Variants in ERC2 observed in about 807,000 individuals in gnomAD.
ERC2 encodes the protein ERC protein 2.
Under a neutral mutation model 114.8 loss-of-function variants are expected in ERC2, and 42 were observed. The observed-to-expected ratio is 0.37, with a 90% CI of 0.29 to 0.47. The LOEUF is 0.47. ERC2 is among the 20% of genes least tolerant of loss of function. ERC2 has a pLI of 0.99. For synonymous variants in ERC2, 454 were observed against 425.5 expected, an observed-to-expected ratio of 1.07 and a Z score of -0.82; for missense variants, 939 against 1,150.7, an observed-to-expected ratio of 0.82 and a Z score of 2.66.
chr3:55,707,223 C>T (rs1027536586), intron 15 of ERC2, among the ~76,000 whole-genome samples: 2 of 152,018 alleles, frequency 1.3e-5, no homozygotes, highest in Admixed American at 6.6e-5. Context: ...GGCTTGAGCT[C>T]GGGAGTTAGA....
intron 6 of ERC2, among the ~76,000 whole-genome samples, chr3:56,116,314 T>C (rs758884049): frequency 6.6e-6 from 1 of 152,224 alleles, no homozygotes; most frequent in Admixed American, 6.5e-5. Flanking sequence ...CAAGGGTTTG[T>C]TGGCTGCCAT....
chr3:55,528,243 G>A (rs1428660092), intron 17 of ERC2, among the ~76,000 whole-genome samples: 4 of 152,236 alleles, frequency 2.6e-5, no homozygotes, highest in Admixed American at 1.3e-4. Context: ...GCCTGCCAGA[G>A]GGAGCGGAAA....
intron 14 of ERC2, among the ~76,000 whole-genome samples, chr3:55,775,457 G>A (rs2068520498): frequency 6.6e-6 from 1 of 151,680 alleles, no homozygotes; most frequent in African/African-American, 2.4e-5. Flanking sequence ...CTTGAGCCCA[G>A]GAGAATGAGG....
intron 1 of ERC2, among the ~76,000 whole-genome samples, chr3:56,459,869 T>C (rs1330276356): frequency 6.6e-6 from 1 of 152,234 alleles, no homozygotes; most frequent in Non-Finnish European, 1.5e-5. Flanking sequence ...CAACTAGAGA[T>C]TCCTGGGCTC....
chr3:56,425,667 G>A (rs1188051548), intron 2 of ERC2, among the ~76,000 whole-genome samples: 1 of 146,858 alleles, frequency 6.8e-6, no homozygotes, highest in African/African-American at 2.5e-5. Context: ...TCATTTGAAT[G>A]TGTAAGGTCC....
chr3:56,159,738 A>G (rs1336232844), intron 4 of ERC2, among the ~76,000 whole-genome samples: 1 of 152,182 alleles, frequency 6.6e-6, no homozygotes, highest in Non-Finnish European at 1.5e-5. Flanking sequence ...ACTCCCACTT[A>G]TAAGTGAGAA....
At chr3:55,537,908 T>C (rs1186386689) in intron 17 of ERC2, among the ~76,000 whole-genome samples, 2 of 152,184 alleles carry the variant, frequency 1.3e-5, no homozygotes, top group African/African-American at 4.8e-5. Context: ...CCTATTACTC[T>C]ATTAGAACAC....
At chr3:55,580,288 G>C (rs1273460670) in intron 17 of ERC2, among the ~76,000 whole-genome samples, 2 of 151,862 alleles carry the variant, frequency 1.3e-5, no homozygotes, top group Admixed American at 6.6e-5. Context: ...ATTTGGGGAG[G>C]GGGTAGTGCT....
chr3:55,783,245 C>T (rs569342195), intron 14 of ERC2, among the ~76,000 whole-genome samples: 32 of 152,336 alleles, frequency 2.1e-4, no homozygotes, highest in African/African-American at 7.7e-4. Flanking sequence ...GCTCGGCAGG[C>T]TGACTGCCTG....
At position 55,821,234 on chromosome 3, in the gene ERC2, G is replaced by A. The variant is rs749237689; in HGVS notation, c.2564+67155C>T. ...TGATTGCTTGCTTTAACAAGAATAG[G>A]TGTGCAATAGGACTGCCAAAAGTTA... On this transcript the variant is annotated intron_variant, in intron 14 of 17. Coordinates refer to ENST00000288221, the MANE Select transcript of ERC2 (RefSeq NM_015576.3). Among the ~76,000 whole-genome samples the A allele has an allele frequency of 5.7e-4, 86 of 152,128 alleles. 1 individual carries two copies. Among genetic ancestry groups the A allele is most frequent in the Non-Finnish European group, 1.1e-3 (78 of 68,034 alleles).
At chr3:55,653,498 A>T (rs1444149719) in intron 17 of ERC2, among the ~76,000 whole-genome samples, 1 of 152,180 alleles carries the variant, frequency 6.6e-6, no homozygotes, top group Non-Finnish European at 1.5e-5. Context: ...AGAAGTCCAC[A>T]ATACACAAAG....
intron 17 of ERC2, among the ~76,000 whole-genome samples, chr3:55,640,761 C>A (rs2060143792): frequency 2.0e-5 from 3 of 152,200 alleles, no homozygotes; most frequent in South Asian, 4.1e-4. Flanking sequence ...CCCTTCAACT[C>A]CACAACAGTC....
At chr3:55,589,111 G>A (rs904769366) in intron 17 of ERC2, among the ~76,000 whole-genome samples, 1 of 151,340 alleles carries the variant, frequency 6.6e-6, no homozygotes, top group Non-Finnish European at 1.5e-5. Context: ...GGATGCAGTG[G>A]CTCACACCTG....
intron 2 of ERC2, among the ~76,000 whole-genome samples, chr3:56,359,949 C>T (rs980658999): frequency 2.4e-4 from 36 of 152,126 alleles, no homozygotes; most frequent in Non-Finnish European, 4.0e-4. Context: ...CCCTTAGGCC[C>T]CACCTTCAAA....
intron 14 of ERC2, among the ~76,000 whole-genome samples, chr3:55,754,877 C>G (rs1484636848): frequency 6.6e-6 from 1 of 152,036 alleles, no homozygotes; most frequent in Non-Finnish European, 1.5e-5. Flanking sequence ...AACCCATAAG[C>G]TGTACTAATA....
At chr3:56,366,768 A>G (rs2059167352) in intron 2 of ERC2, among the ~76,000 whole-genome samples, 1 of 152,208 alleles carries the variant, frequency 6.6e-6, no homozygotes, top group African/African-American at 2.4e-5. Flanking sequence ...CTGTTGTCTA[A>G]GCCGGCTTTA....
At chr3:56,001,136 G>T (rs1273002645) in intron 10 of ERC2, among the ~76,000 whole-genome samples, 31 of 151,234 alleles carry the variant, frequency 2.0e-4, no homozygotes, top group Admixed American at 2.0e-3. Flanking sequence ...ATAAAGGGAA[G>T]GAGAAGGCAA....
chr3:56,161,183 C>T (rs1401343174), intron 4 of ERC2, among the ~76,000 whole-genome samples: 2 of 152,170 alleles, frequency 1.3e-5, no homozygotes, highest in African/African-American at 4.8e-5. Flanking sequence ...TGTGATGTAC[C>T]TGCTCCTGCT....
At chr3:56,220,528 C>T (rs935447376) in intron 3 of ERC2, among the ~76,000 whole-genome samples, 1 of 152,310 alleles carries the variant, frequency 6.6e-6, no homozygotes. Context: ...TCTCAGTCGA[C>T]TCACGGCCCA....
Sources: gnomAD v4.1 joint callset for allele counts (sites outside exome capture counted in the v4.1 genomes callset) on GRCh38, gnomAD v4.1.1 for gene constraint, MANE v1.5 for transcripts, NCBI Gene and HGNC (gene_info 2026-07-23, HGNC 2026-07-21) for gene names.